The following ADCY2 variants were observed in gnomAD, a reference collection of about 807,000 sequenced individuals.
The protein encoded by ADCY2 is adenylate cyclase 2.
In ADCY2, 31 loss-of-function variants were observed where a neutral mutation model predicts 125.2. The ratio of observed to expected loss-of-function variants is 0.25; its 90% CI spans 0.19 to 0.33. The LOEUF (loss-of-function observed/expected upper bound fraction) is 0.33, where lower values mean the gene tolerates loss of function less well. Among genes scored for constraint, ADCY2 ranks in the 10% least tolerant of loss-of-function variants. The pLI is 1.00. For missense variants in ADCY2, 904 were observed against 1,418.2 expected (o/e 0.64, Z 5.82); for synonymous variants, 512 against 548.4 (o/e 0.93, Z 0.93).
rs114573812 is a variant in ADCY2 at position 7,627,524 on chromosome 5, C to G, written c.720+1208C>G. Reference sequence around the variant, plus strand: ...TCTGTAAAGCTAATAATTAGCATGGCTGGCTATAAACACTGTGCTCCCCCT... The same window carrying G: ...TCTGTAAAGCTAATAATTAGCATGGGTGGCTATAAACACTGTGCTCCCCCT... On this transcript the variant is annotated intron_variant, in intron 4 of 24. Coordinates refer to ENST00000338316, the MANE Select transcript of ADCY2 (RefSeq NM_020546.3). Among the ~76,000 whole-genome samples the G allele has an allele frequency of 6.3e-3, 963 of 152,300 alleles. 6 individuals are homozygous for G. The highest frequency in any genetic ancestry group is 0.022 in the African/African-American group (907 of 41,544).
chr5:7,638,287 A>T (rs183214107), intron 4 of ADCY2, among the ~76,000 whole-genome samples: 90 of 152,342 alleles, frequency 5.9e-4, no homozygotes, highest in Non-Finnish European at 8.5e-4. Flanking sequence ...AGTAGCATAG[A>T]ATAAAAACAG....
chr5:7,413,806 G>C (rs1326750336), intron 1 of ADCY2, among the ~76,000 whole-genome samples: 1 of 152,144 alleles, frequency 6.6e-6, no homozygotes, highest in African/African-American at 2.4e-5. Context: ...TTGAACTTGT[G>C]TAGAATGGAA....
At chr5:7,437,878 TTGAA>T (rs528267921) in intron 2 of ADCY2, among the ~76,000 whole-genome samples, 75 of 152,316 alleles carry the variant, frequency 4.9e-4, no homozygotes, top group Admixed American at 3.7e-3. Flanking sequence ...TGTGCAAATT[TTGAA>T]TGAAGCACAA....
intron 2 of ADCY2, among the ~76,000 whole-genome samples, chr5:7,455,291 G>A (rs1435761517): frequency 6.6e-6 from 1 of 152,182 alleles, no homozygotes; most frequent in African/African-American, 2.4e-5. Context: ...TTATGCTGCT[G>A]TGTGAAAACA....
intron 3 of ADCY2, among the ~76,000 whole-genome samples, chr5:7,573,255 G>T (rs1245907051): frequency 6.6e-6 from 1 of 152,160 alleles, no homozygotes. Flanking sequence ...TATAAGTTTT[G>T]CCCTTATTTG....
chr5:7,721,402 T>C (rs1384362829), intron 12 of ADCY2, among the ~76,000 whole-genome samples: 1 of 152,248 alleles, frequency 6.6e-6, no homozygotes, highest in Non-Finnish European at 1.5e-5. Flanking sequence ...TTTAGTTTAA[T>C]TAGCATCCAT....
At chr5:7,489,861 T>C (rs1030586225) in intron 2 of ADCY2, among the ~76,000 whole-genome samples, 3 of 152,174 alleles carry the variant, frequency 2.0e-5, no homozygotes, top group South Asian at 2.1e-4. Flanking sequence ...AGACCCAGGT[T>C]AGCAGACCTG....
intron 4 of ADCY2, among the ~76,000 whole-genome samples, chr5:7,655,625 G>T (rs773736519): frequency 1.9e-4 from 29 of 152,300 alleles, no homozygotes; most frequent in Non-Finnish European, 4.0e-4. Flanking sequence ...CAAGTCCATT[G>T]ATTCAATTGC....
chr5:7,506,612 G>C (rs553496884), intron 2 of ADCY2, among the ~76,000 whole-genome samples: 4 of 152,148 alleles, frequency 2.6e-5, no homozygotes, highest in African/African-American at 7.2e-5. Flanking sequence ...TCCTAAGTCC[G>C]AGTGTATTGT....
At chr5:7,567,694 A>G (rs1735945242) in intron 3 of ADCY2, among the ~76,000 whole-genome samples, 2 of 152,118 alleles carry the variant, frequency 1.3e-5, no homozygotes, top group South Asian at 2.1e-4. Context: ...ATGTTTCCCA[A>G]TTCCTGTTTG....
intron 5 of ADCY2, chr5:7,691,263 C>T (rs1740694235): frequency 6.5e-6 from 1 of 152,944 alleles, no homozygotes; most frequent in South Asian, 2.1e-4. Flanking sequence ...ACAACACATC[C>T]CAGGGAAGCT....
chr5:7,638,639 C>T (rs1454731930), intron 4 of ADCY2, among the ~76,000 whole-genome samples: 1 of 152,202 alleles, frequency 6.6e-6, no homozygotes, highest in Non-Finnish European at 1.5e-5. Context: ...CTCTGCCAGT[C>T]CAGGATCACT....
chr5:7,588,549 T>C (rs1438094503), intron 3 of ADCY2, among the ~76,000 whole-genome samples: 3 of 152,236 alleles, frequency 2.0e-5, no homozygotes, highest in Admixed American at 6.5e-5. Context: ...GGCAAGCTTT[T>C]TCTGTAAAGG....
chr5:7,683,004 G>A (rs1740391773), intron 4 of ADCY2, among the ~76,000 whole-genome samples: 1 of 152,302 alleles, frequency 6.6e-6, no homozygotes, highest in East Asian at 1.9e-4. Flanking sequence ...TGTACTCGGT[G>A]GGATCATTCC....
intron 24 of ADCY2, among the ~76,000 whole-genome samples, chr5:7,824,724 C>G (rs1745411667): frequency 6.6e-6 from 1 of 152,214 alleles, no homozygotes; most frequent in Non-Finnish European, 1.5e-5. Flanking sequence ...TAGGGGCTGT[C>G]CTTCCATGAC....
chr5:7,553,323 G>A (rs1255439122), intron 3 of ADCY2, among the ~76,000 whole-genome samples: 4 of 152,206 alleles, frequency 2.6e-5, no homozygotes. Flanking sequence ...GTTCACTGCA[G>A]TCTTCGGAGG....
At chr5:7,801,045 A>C (rs561767612) in intron 20 of ADCY2, 7 of 152,060 alleles carry the variant, frequency 4.6e-5, no homozygotes, top group African/African-American at 1.5e-4. Flanking sequence ...GGTCCTGAGA[A>C]CCAGAAAAGG....
Position 7,675,436 on chromosome 5 carries a change from T to C in ADCY2, c.721-15255T>C, listed in dbSNP as rs925858284. Among the ~76,000 whole-genome samples, 6 of 152,170 alleles carry C rather than the reference T, an allele frequency of 3.9e-5. No homozygotes were observed. In the East Asian group the frequency reaches 1.2e-3, roughly 29 times the overall value. On this transcript the variant is annotated intron_variant, in intron 4 of 24. Coordinates refer to ENST00000338316, the MANE Select transcript of ADCY2 (RefSeq NM_020546.3). ...TTTGGAGGGCAACTGGGATGACCAA[T>C]GTAAGTGAAAGAGTTACAGAATAAT...
intron 1 of ADCY2, among the ~76,000 whole-genome samples, chr5:7,401,152 C>A (rs1258923019): frequency 6.6e-6 from 1 of 152,176 alleles, no homozygotes; most frequent in African/African-American, 2.4e-5. Flanking sequence ...TCAATTAGTA[C>A]ATGCAAAGCC....
Sources: gnomAD v4.1 joint callset for allele counts (sites outside exome capture counted in the v4.1 genomes callset) on GRCh38, gnomAD v4.1.1 for gene constraint, MANE v1.5 for transcripts, NCBI Gene and HGNC (gene_info 2026-07-23, HGNC 2026-07-21) for gene names.